Variants in ZNF713 observed in about 807,000 individuals in gnomAD.
ZNF713 encodes the protein zinc finger protein 713.
In ZNF713, 21 loss-of-function variants were observed where a neutral mutation model predicts 28.7. The observed-to-expected ratio is 0.73, with a 90% confidence interval of 0.52 to 1.05. ZNF713 has a LOEUF of 1.05. Ranked by LOEUF, ZNF713 falls within the 50% of genes least tolerant of loss-of-function variation. The pLI is 0.00. For missense variants in ZNF713, 458 were observed against 532.4 expected (o/e 0.86, Z 1.37); for synonymous variants, 167 against 178.0 (o/e 0.94, Z 0.49).
At chr7:55,935,771 G>A (rs572273817) in intron 6 of ZNF713, among the ~76,000 whole-genome samples, 188 of 152,148 alleles carry the variant, frequency 1.2e-3, no homozygotes, top group Non-Finnish European at 2.2e-3. Flanking sequence ...GGCTAACACG[G>A]TGAAACCCCG....
Position 55,911,757 on chromosome 7 carries a change from C to A in ZNF713, c.-314C>A, listed in dbSNP as rs533750327. ...ACAACCTTCAAGAGCCCCTTCATCT[C>A]AACTCGGCATAAACAAGGCAAGATT... On this transcript the variant is annotated 5_prime_UTR_variant, in exon 3 of 7. Transcript: ENST00000429591. 11 of 152,312 alleles carry A rather than the reference C, an allele frequency of 7.2e-5. No individual in the cohort carries two copies. Among genetic ancestry groups the A allele is most frequent in the African/African-American group, 2.4e-4 (10 of 41,562 alleles). The allele number at this position is 152,312 out of a possible 1,614,324, so 9.4% of individuals were successfully genotyped here.
chr7:55,899,434 G>GT (rs1785532328), intron 1 of ZNF713, among the ~76,000 whole-genome samples: 1 of 1,010 alleles, frequency 9.9e-4, no homozygotes. Context: ...GGAGGCCGAG[G>GT]GGGGGGGGGG....
intron 1 of ZNF713, among the ~76,000 whole-genome samples, chr7:55,900,692 G>A (rs1785560006): frequency 6.6e-6 from 1 of 152,190 alleles, no homozygotes; most frequent in Non-Finnish European, 1.5e-5. Flanking sequence ...ATCTGGGGCT[G>A]TGTGGGAGGG....
intron 1 of ZNF713, among the ~76,000 whole-genome samples, chr7:55,900,292 AC>A (rs1312768879): frequency 6.6e-6 from 1 of 151,918 alleles, no homozygotes; most frequent in East Asian, 1.9e-4. Context: ...ACATGGTGAA[AC>A]CCTGTCTCTA....
intron 1 of ZNF713, among the ~76,000 whole-genome samples, chr7:55,893,137 C>T (rs1048232024): frequency 4.6e-5 from 7 of 152,072 alleles, no homozygotes; most frequent in Non-Finnish European, 7.4e-5. Context: ...CCCGCCTCAG[C>T]CTCCCAAAGT....
intron 2 of ZNF713, among the ~76,000 whole-genome samples, chr7:55,909,196 C>CAAAA (rs71015121): frequency 6.8e-4 from 36 of 53,168 alleles, no homozygotes; most frequent in Non-Finnish European, 9.2e-4. Context: ...AAGACTCCGT[C>CAAAA]AAAAAAAAAA....
chr7:55,902,993 C>CAAAAAAA (rs35706402), intron 1 of ZNF713, among the ~76,000 whole-genome samples: 1 of 80,786 alleles, frequency 1.2e-5, no homozygotes, highest in Non-Finnish European at 2.3e-5. Flanking sequence ...AACTCCGTCT[C>CAAAAAAA]AAAAAAAAAA....
At chr7:55,906,790 A>G (rs1785688023) in intron 2 of ZNF713, among the ~76,000 whole-genome samples, 1 of 152,186 alleles carries the variant, frequency 6.6e-6, no homozygotes, top group Admixed American at 6.5e-5. Context: ...AAGTGGACCC[A>G]CCTAACACAT....
intron 1 of ZNF713, among the ~76,000 whole-genome samples, chr7:55,902,386 A>G (rs1182690655): frequency 2.0e-5 from 3 of 152,230 alleles, no homozygotes; most frequent in Non-Finnish European, 2.9e-5. Flanking sequence ...TTAATAGACA[A>G]AGTAATGTTA....
At chr7:55,897,911 T>C (rs1365515937) in intron 1 of ZNF713, among the ~76,000 whole-genome samples, 1 of 152,160 alleles carries the variant, frequency 6.6e-6, no homozygotes, top group African/African-American at 2.4e-5. Context: ...GAAGCGTCTT[T>C]TGCTATTCAT....
At chr7:55,896,887 A>G (rs977098673) in intron 1 of ZNF713, among the ~76,000 whole-genome samples, 3 of 152,080 alleles carry the variant, frequency 2.0e-5, no homozygotes, top group African/African-American at 7.2e-5. Context: ...GAAGTGAGAA[A>G]GTGCTTAAGA....
rs1415373593 is a variant in ZNF713 at position 55,939,081 on chromosome 7, A to T, written c.407A>T (p.Asp136Val). 12 of 1,613,984 alleles carry T rather than the reference A, an allele frequency of 7.4e-6. No individual in the cohort carries two copies. The highest frequency in any genetic ancestry group is 1.0e-5 in the Non-Finnish European group (12 of 1,179,996). ...ATGATAATGGAGAGACTCGCAGGAG[A>T]CAGCTTCTGGTACTCCATCCTAGGA... is the stretch of plus-strand genomic sequence containing the variant. Reference protein sequence around the residue: ...HEMIMERLAGDSFWYSILGGL... With the variant: ...HEMIMERLAGVSFWYSILGGL... The change falls in exon 7 of 7, where the codon GAC becomes GTC. Residue 136 changes from aspartate (D) to valine (V), a missense_variant. Coordinates refer to ENST00000429591, the MANE Select transcript of ZNF713 (RefSeq NM_182633.3).
rs537241345 is a variant in ZNF713, at chr7:55,903,615, C to T, written c.-582-2638C>T. ...CTAGGAGGCAGAGATTGCAGTCAGC[C>T]GAGATCGTGCCCCTGCACTCCAGCC... On this transcript the variant is annotated intron_variant, in intron 1 of 6. Transcript: ENST00000429591. Among the ~76,000 whole-genome samples, 424 of 148,906 alleles carry T rather than the reference C, an allele frequency of 2.8e-3. 5 individuals are homozygous for T. Among genetic ancestry groups the T allele is most frequent in the African/African-American group, 9.7e-3 (388 of 40,024 alleles).
chr7:55,937,193 A>T (rs1188170920), intron 6 of ZNF713, among the ~76,000 whole-genome samples: 1 of 152,124 alleles, frequency 6.6e-6, no homozygotes, highest in Non-Finnish European at 1.5e-5. Flanking sequence ...CCAGCTGCTC[A>T]GGAGTCTGAG....
chr7:55,924,987 T>C lies in ZNF713; in HGVS notation c.307+1288T>C, dbSNP rs143553922. 592 of 152,202 alleles carry C rather than the reference T, an allele frequency of 3.9e-3. 4 individuals carry two copies. The highest frequency in any genetic ancestry group is 0.013 in the African/African-American group (553 of 41,510). The allele number at this position is 152,202 out of a possible 1,614,324, so 9.4% of individuals were successfully genotyped here. On this transcript the variant is annotated intron_variant, in intron 6 of 6. Transcript: ENST00000429591. ...GCTTTATACTCTCTTCTTTAAAGCA[T>C]TCCCTTAAATATGGGATTTCTTGAC...
At chr7:55,911,480 G>T (rs1393289817) in intron 2 of ZNF713, 136 bp from the exon 3 acceptor site, 1 of 151,950 alleles carries the variant, frequency 6.6e-6, no homozygotes, top group African/African-American at 2.4e-5. Context: ...AGTGCTTTTT[G>T]ATTCAAGAAT....
chr7:55,889,430 G>T (rs1248130511), intron 1 of ZNF713, among the ~76,000 whole-genome samples: 2 of 152,026 alleles, frequency 1.3e-5, no homozygotes, highest in African/African-American at 4.8e-5. Context: ...TAAATTGTGA[G>T]GCATTTAAAA....
chr7:55,922,145 T>G (rs1340271852), intron 4 of ZNF713, among the ~76,000 whole-genome samples: 1 of 150,008 alleles, frequency 6.7e-6, no homozygotes, highest in Non-Finnish European at 1.5e-5. Context: ...CAGGCTGGTC[T>G]CAAACTCCTG....
chr7:55,908,135 G>GTT (rs71015120), intron 2 of ZNF713, among the ~76,000 whole-genome samples: 1,299 of 54,530 alleles, frequency 0.024, 1 homozygote, highest in Non-Finnish European at 0.037. Context: ...ATCCGTTGTT[G>GTT]TTTTTTTTTT....
Sources: allele counts gnomAD v4.1 joint callset (sites outside exome capture counted in the v4.1 genomes callset), GRCh38; gene constraint gnomAD v4.1.1; transcripts MANE v1.5; gene names NCBI Gene and HGNC (gene_info 2026-07-23, HGNC 2026-07-21).